WWTR1: variants seen among roughly 807,000 people sequenced by gnomAD.
The protein encoded by WWTR1 is WW domain-containing transcription regulator protein 1.
WWTR1 carries 13 observed loss-of-function variants against 40.1 expected under a neutral mutation model. The ratio of observed to expected loss-of-function variants is 0.32; its 90% CI spans 0.21 to 0.52. WWTR1 has a LOEUF of 0.52. WWTR1 is among the 20% of genes least tolerant of loss of function. The pLI is 0.97. For missense variants in WWTR1, 436 were observed against 523.1 expected (o/e 0.83, Z 1.63); for synonymous variants, 230 against 210.1 (o/e 1.09, Z -0.82).
intron 1 of WWTR1, 165 bp downstream of exon 1, chr3:149,657,600 T>A: frequency 2.7e-6 from 1 of 367,532 alleles, no homozygotes; most frequent in Non-Finnish European, 4.9e-6. Flanking sequence ...CGGGGCTTGC[T>A]GAACCGCAGG....
intron 2 of WWTR1, among the ~76,000 whole-genome samples, chr3:149,664,114 G>C (rs544023023): frequency 2.0e-5 from 3 of 152,358 alleles, no homozygotes; most frequent in East Asian, 3.9e-4. Context: ...TGTATGGTTA[G>C]AAACTTGGTG....
chr3:149,683,963 T>TA (rs1458115850), intron 1 of WWTR1, among the ~76,000 whole-genome samples: 2 of 152,128 alleles, frequency 1.3e-5, no homozygotes, highest in African/African-American at 2.4e-5. Context: ...CCCATTTCTT[T>TA]AAAAAAAATT....
Position 149,529,270 on chromosome 3 carries a change from G to A in WWTR1, c.772-1301C>T, listed in dbSNP as rs976136071. Among the ~76,000 whole-genome samples the A allele has an allele frequency of 9.2e-5, 14 of 152,194 alleles. 1 individual carries two copies. Among genetic ancestry groups the A allele is most frequent in the Admixed American group, 5.2e-4 (8 of 15,286 alleles). On this transcript the variant is annotated intron_variant, in intron 4 of 6. Coordinates refer to ENST00000360632, the MANE Select transcript of WWTR1 (RefSeq NM_015472.6). ...AGGACTTCTAAATTACAGTATCTTCGTTAGATCTCTTCCAGCCCTAACATG... is the reference window on the plus strand; with the variant it reads ...AGGACTTCTAAATTACAGTATCTTCATTAGATCTCTTCCAGCCCTAACATG...
At chr3:149,587,012 G>C (rs894984908) in intron 2 of WWTR1, among the ~76,000 whole-genome samples, 1 of 152,110 alleles carries the variant, frequency 6.6e-6, no homozygotes, top group African/African-American at 2.4e-5. Flanking sequence ...CTAATAAATG[G>C]GTAAAAGTAA....
chr3:149,558,000 C>T (rs1434858634), intron 3 of WWTR1, among the ~76,000 whole-genome samples: 1 of 126,084 alleles, frequency 7.9e-6, no homozygotes, highest in African/African-American at 3.3e-5. Context: ...AAGGCTCCAT[C>T]TCAAAAAAAA....
chr3:149,622,537 G>GAAAGAA (rs1576603758), intron 2 of WWTR1, among the ~76,000 whole-genome samples: 1 of 150,738 alleles, frequency 6.6e-6, no homozygotes, highest in African/African-American at 2.5e-5. Context: ...AAGAAAGAAA[G>GAAAGAA]AAAGAAAAAG....
intron 4 of WWTR1, among the ~76,000 whole-genome samples, chr3:149,531,762 T>A (rs772649210): frequency 2.0e-5 from 3 of 152,200 alleles, no homozygotes; most frequent in Non-Finnish European, 2.9e-5. Flanking sequence ...ACTTAAGTTT[T>A]CATTCTCTGT....
intron 2 of WWTR1, among the ~76,000 whole-genome samples, chr3:149,593,465 T>G (rs370642547): frequency 6.6e-6 from 1 of 152,192 alleles, no homozygotes; most frequent in Admixed American, 6.5e-5. Context: ...TTTGACTGTT[T>G]ATTACCCTTT....
In WWTR1 at chr3:149,519,799, C is replaced by T. The variant is rs768578023; in HGVS notation, c.*1006G>A. Reference sequence around the variant, plus strand: ...TCTACTCAAAATACAAAAAATTAGCCGGACGTGGTGGCAGGTGCCTGTAAT... The same window carrying T: ...TCTACTCAAAATACAAAAAATTAGCTGGACGTGGTGGCAGGTGCCTGTAAT... On this transcript the variant is annotated 3_prime_UTR_variant, in exon 7 of 7. Transcript: ENST00000360632. 3.3e-5 allele frequency: 5 copies of T among 152,078 alleles called. No individual in the cohort carries two copies. Among genetic ancestry groups the T allele is most frequent in the East Asian group, 1.9e-4 (1 of 5,172 alleles). 9.4% of individuals were successfully genotyped at this position (152,078 alleles called of 1,614,324 possible).
intron 4 of WWTR1, among the ~76,000 whole-genome samples, chr3:149,719,171 T>C (rs1715686375): frequency 6.6e-6 from 1 of 150,814 alleles, no homozygotes; most frequent in Admixed American, 6.6e-5. Flanking sequence ...TTTTTCTTTT[T>C]TTTTTTTTCT....
intron 1 of WWTR1, among the ~76,000 whole-genome samples, chr3:149,677,891 T>C (rs558028179): frequency 6.6e-6 from 1 of 152,180 alleles, no homozygotes; most frequent in South Asian, 2.1e-4. Flanking sequence ...AGCCTCCTAG[T>C]AGTTGGTACT....
chr3:149,694,730 T>A (rs1714926821), intron 1 of WWTR1, among the ~76,000 whole-genome samples: 2 of 152,220 alleles, frequency 1.3e-5, no homozygotes, highest in Non-Finnish European at 2.9e-5. Flanking sequence ...TGTAAATTAA[T>A]ACAGCAATTA....
chr3:149,644,437 A>T (rs900616626), intron 2 of WWTR1, among the ~76,000 whole-genome samples: 1 of 152,180 alleles, frequency 6.6e-6, no homozygotes, highest in Admixed American at 6.5e-5. Flanking sequence ...TATGGCTCAC[A>T]TCAGACAGTC....
intron 2 of WWTR1, among the ~76,000 whole-genome samples, chr3:149,664,372 C>T (rs771323022): frequency 1.1e-4 from 17 of 152,178 alleles, no homozygotes; most frequent in Non-Finnish European, 2.1e-4. Context: ...AAACGTGATA[C>T]TTGTGTTTTC....
At chr3:149,702,951 G>T (rs1715241859) in intron 1 of WWTR1, 1 of 152,104 alleles carries the variant, frequency 6.6e-6, no homozygotes, top group South Asian at 2.1e-4. Context: ...CAGTTGTGGG[G>T]ATTCTTTCTT....
intron 3 of WWTR1, among the ~76,000 whole-genome samples, chr3:149,564,912 G>C (rs889653968): frequency 6.6e-6 from 1 of 152,180 alleles, no homozygotes. Flanking sequence ...GCTAGGCGCA[G>C]TGGCTCAAGC....
At chr3:149,603,295 T>A (rs1048573670) in intron 2 of WWTR1, among the ~76,000 whole-genome samples, 1 of 152,128 alleles carries the variant, frequency 6.6e-6, no homozygotes, top group Non-Finnish European at 1.5e-5. Flanking sequence ...AGTTCATGAC[T>A]GAAATCAAGC....
At chr3:149,602,872 C>T (rs1373188062) in intron 2 of WWTR1, among the ~76,000 whole-genome samples, 1 of 152,104 alleles carries the variant, frequency 6.6e-6, no homozygotes, top group Admixed American at 6.6e-5. Flanking sequence ...GTTGGCCAGG[C>T]TGGTCTCGAA....
At chr3:149,561,303 T>C (rs1737068315) in intron 3 of WWTR1, among the ~76,000 whole-genome samples, 1 of 151,360 alleles carries the variant, frequency 6.6e-6, no homozygotes, top group Non-Finnish European at 1.5e-5. Context: ...ACAAAAGAAG[T>C]ATGTCCAAGT....
Sources: allele counts gnomAD v4.1 joint callset (sites outside exome capture counted in the v4.1 genomes callset), GRCh38; gene constraint gnomAD v4.1.1; transcripts MANE v1.5; gene names NCBI Gene and HGNC (gene_info 2026-07-23, HGNC 2026-07-21).